DCAF8L2: variants seen among roughly 807,000 people sequenced by gnomAD.
The protein encoded by DCAF8L2 is DDB1 and CUL4 associated factor 8 like 2.
For synonymous variants in DCAF8L2, 200 were observed against 190.9 expected (o/e 1.05, Z -0.39); for missense variants, 430 against 490.7 (o/e 0.88, Z 1.17).
chrX:27,708,981 G>A lies in DCAF8L2; in HGVS notation c.-142-7107G>A, dbSNP rs886706936. On this transcript the variant is annotated intron_variant, in intron 3 of 4. Coordinates refer to ENST00000451261, the MANE Select transcript of DCAF8L2 (RefSeq NM_001353450.2). ...GCACAGGCTGGAGTAGTGCAATGGC[G>A]TGATCTCGGCTCACCACAACCTCGG... Among the ~76,000 whole-genome samples, 72 of 112,180 alleles carry A rather than the reference G, an allele frequency of 6.4e-4. 1 individual carries two copies. Among genetic ancestry groups the A allele is most frequent in the African/African-American group, 2.2e-3 (68 of 30,807 alleles).
At chrX:27,716,355 C>G (rs1357247529) in intron 4 of DCAF8L2, among the ~76,000 whole-genome samples, 184 bp downstream of exon 4, 1 of 112,063 alleles carries the variant, frequency 8.9e-6, no homozygotes, top group Non-Finnish European at 1.9e-5. Flanking sequence ...TAATAGTGTA[C>G]CTAATAAAAG....
chrX:27,629,114 A>G (rs1259393665), intron 1 of DCAF8L2, among the ~76,000 whole-genome samples: 1 of 111,069 alleles, frequency 9.0e-6, no homozygotes, highest in Non-Finnish European at 1.9e-5. Flanking sequence ...TATATTTTGG[A>G]TATTAATCCC....
At position 27,637,441 on chromosome X, in the gene DCAF8L2, C is replaced by T. The variant is rs143948486; in HGVS notation, c.-220+5441C>T. On this transcript the variant is annotated intron_variant, in intron 2 of 4. Transcript: ENST00000451261. ...GATTGTCTGCTTGACTGAATTTCCA[C>T]ATGTCACTATGTGGGTTTTCCATTA... Among the ~76,000 whole-genome samples the T allele has an allele frequency of 1.7e-4, 19 of 112,048 alleles. No homozygotes were observed. The East Asian group carries it at 5.1e-3, about 30-fold the overall frequency.
In DCAF8L2 at chrX:27,627,619, G is replaced by A. The variant is rs1381097079; in HGVS notation, c.-341-4260G>A. On this transcript the variant is annotated intron_variant, in intron 1 of 4. Transcript: ENST00000451261. The stretch of plus-strand genomic sequence containing the variant: ...TGTTAAGAATACATAATATGGGCCG[G>A]GCACAGTGTCTCATGCCTGTAATCT... Among the ~76,000 whole-genome samples the A allele has an allele frequency of 5.6e-5, 6 of 107,098 alleles. No homozygotes were observed. In the Admixed American group the frequency reaches 6.2e-4, roughly 11 times the overall value. The allele number at this position is 107,098 out of a possible 115,157, so 93.0% of individuals were successfully genotyped here.
chrX:27,480,503 A>G, the DCAF8L2 span, among the ~76,000 whole-genome samples: 1 of 111,977 alleles, frequency 8.9e-6, no homozygotes, highest in Non-Finnish European at 1.9e-5. Context: ...GAGACAGGCC[A>G]GGATAATTTT....
chrX:27,471,987 G>A, the DCAF8L2 span, among the ~76,000 whole-genome samples: 7 of 110,399 alleles, frequency 6.3e-5, no homozygotes, highest in Non-Finnish European at 9.5e-5. Flanking sequence ...TTTTTTTCAC[G>A]TTCTTTCCTA....
At chrX:27,712,799 G>GATCAAT (rs1265719294) in intron 3 of DCAF8L2, 1 of 111,738 alleles carries the variant, frequency 8.9e-6, no homozygotes, top group Non-Finnish European at 1.9e-5. Flanking sequence ...TTTGTGGGAG[G>GATCAAT]ATCAATATGT....
At chrX:27,649,255 T>C (rs752496224) in intron 2 of DCAF8L2, among the ~76,000 whole-genome samples, 1 of 112,402 alleles carries the variant, frequency 8.9e-6, no homozygotes, top group Admixed American at 9.4e-5. Flanking sequence ...TTGTGAATAG[T>C]GCTGCAATGA....
the DCAF8L2 span, among the ~76,000 whole-genome samples, chrX:27,568,992 C>G: frequency 1.1e-4 from 9 of 81,289 alleles, no homozygotes; most frequent in Non-Finnish European, 2.0e-4. Context: ...CACACACACA[C>G]ACACAGAGTT....
chrX:27,592,110 C>T (rs775757869), intron 1 of DCAF8L2, among the ~76,000 whole-genome samples: 2 of 112,537 alleles, frequency 1.8e-5, no homozygotes, highest in African/African-American at 6.4e-5. Flanking sequence ...AAGGCGAGGG[C>T]GATGCAGATG....
Position 27,658,195 on chromosome X carries a change from C to T in DCAF8L2, c.-219-19641C>T, listed in dbSNP as rs763553451. Among the ~76,000 whole-genome samples, 3 of 112,336 alleles carry T rather than the reference C, an allele frequency of 2.7e-5. No individual in the cohort carries two copies. In the South Asian group the frequency reaches 1.1e-3, roughly 41 times the overall value. ...ATTAGTGCTAATTTTAAATTATTTT[C>T]ATATTGTTCCTCATTGTTTAAAGTG... On this transcript the variant is annotated intron_variant, in intron 2 of 4. Coordinates refer to ENST00000451261, the MANE Select transcript of DCAF8L2 (RefSeq NM_001353450.2).
chrX:27,707,122 T>C (rs923449311), intron 3 of DCAF8L2, among the ~76,000 whole-genome samples: 1 of 110,263 alleles, frequency 9.1e-6, no homozygotes, highest in Admixed American at 9.7e-5. Context: ...GCTAGGTGAA[T>C]GGGGGGAAAT....
intron 2 of DCAF8L2, among the ~76,000 whole-genome samples, chrX:27,657,919 C>A (rs1344581510): frequency 8.9e-6 from 1 of 112,129 alleles, no homozygotes; most frequent in Non-Finnish European, 1.9e-5. Context: ...TCAAAAGCCA[C>A]AAATAGCTGT....
intron 1 of DCAF8L2, among the ~76,000 whole-genome samples, chrX:27,613,864 T>C (rs1262532480): frequency 1.8e-5 from 2 of 111,760 alleles, no homozygotes; most frequent in Non-Finnish European, 3.8e-5. Flanking sequence ...CAGTATTTTA[T>C]TGAGGATGTT....
At chrX:27,523,317 C>G in the DCAF8L2 span, among the ~76,000 whole-genome samples, 1 of 110,303 alleles carries the variant, frequency 9.1e-6, no homozygotes, top group Non-Finnish European at 1.9e-5. Context: ...TTAAGATGAT[C>G]TAAATTATGC....
chrX:27,663,822 C>T (rs985742048), intron 2 of DCAF8L2, among the ~76,000 whole-genome samples: 9 of 108,084 alleles, frequency 8.3e-5, no homozygotes, highest in East Asian at 5.8e-4. Flanking sequence ...CTCAGCCTCC[C>T]GAGTAGCTGT....
intron 4 of DCAF8L2, among the ~76,000 whole-genome samples, chrX:27,736,638 GA>G (rs1433109524): frequency 3.6e-5 from 4 of 111,780 alleles, no homozygotes; most frequent in Non-Finnish European, 7.5e-5. Flanking sequence ...TTCCCACCCT[GA>G]AAGCAATAAT....
At chrX:27,737,696 C>G (rs892946099) in intron 4 of DCAF8L2, among the ~76,000 whole-genome samples, 9 of 99,245 alleles carry the variant, frequency 9.1e-5, no homozygotes, top group African/African-American at 3.5e-4. Context: ...AGAAATTGTT[C>G]TAGAATATAG....
intron 1 of DCAF8L2, among the ~76,000 whole-genome samples, chrX:27,629,059 C>T (rs1458626621): frequency 9.0e-6 from 1 of 111,349 alleles, no homozygotes; most frequent in Non-Finnish European, 1.9e-5. Flanking sequence ...ATTTTTTAAA[C>T]TGGGTTGTTT....
Sources: allele counts gnomAD v4.1 joint callset (sites outside exome capture counted in the v4.1 genomes callset), GRCh38; gene constraint gnomAD v4.1.1; transcripts MANE v1.5; gene names NCBI Gene and HGNC (gene_info 2026-07-23, HGNC 2026-07-21).